The following PCDHGA7 variants were observed in gnomAD, a reference collection of about 807,000 sequenced individuals.
PCDHGA7 encodes the protein protocadherin gamma-A7.
A neutral mutation model predicts 58.3 loss-of-function variants in PCDHGA7; 44 were observed. The ratio of observed to expected loss-of-function variants is 0.75; its 90% CI spans 0.59 to 0.97. The LOEUF (loss-of-function observed/expected upper bound fraction) is 0.97. Ranked by LOEUF, PCDHGA7 falls within the 50% of genes least tolerant of loss-of-function variation. PCDHGA7 has a pLI of 0.00. For missense variants in PCDHGA7, 1,266 were observed against 1,188.7 expected, an observed-to-expected ratio of 1.06 and a Z score of -0.96; for synonymous variants, 516 against 504.2, an observed-to-expected ratio of 1.02 and a Z score of -0.31.
Position 141,432,465 on chromosome 5 carries a change from C to G in PCDHGA7, c.2424+47142C>G. ...GAGATCCTGTACCCCGCCCTCCCCACGGACGGTTCCACTGGCGTGGAGCTG... is the reference window on the plus strand; with the variant it reads ...GAGATCCTGTACCCCGCCCTCCCCAGGGACGGTTCCACTGGCGTGGAGCTG... On this transcript the variant is annotated intron_variant, in intron 1 of 3. Transcript: ENST00000518325. The surrounding 1 kb of genome is among the most constrained non-coding windows in gnomAD (Gnocchi z 6.0). The G allele has an allele frequency of 6.2e-7, 1 of 1,614,222 alleles. No individual in the cohort carries two copies. Among genetic ancestry groups the G allele is most frequent in the Non-Finnish European group, 8.5e-7 (1 of 1,180,050 alleles).
At chr5:141,510,682 G>C (rs1014890367) in intron 3 of PCDHGA7, among the ~76,000 whole-genome samples, 2 of 152,154 alleles carry the variant, frequency 1.3e-5, no homozygotes, top group Non-Finnish European at 2.9e-5. Context: ...GTGGCATAAG[G>C]AGGTTAGGTA....
intron 1 of PCDHGA7, among the ~76,000 whole-genome samples, chr5:141,462,493 A>G (rs1432919197): frequency 2.0e-5 from 3 of 152,144 alleles, no homozygotes; most frequent in South Asian, 4.1e-4. Context: ...GTTGTATCCT[A>G]TAATTGTCAA....
chr5:141,391,899 T>G (rs1283624057), intron 1 of PCDHGA7: 2 of 152,212 alleles, frequency 1.3e-5, no homozygotes, highest in Non-Finnish European at 2.9e-5. Flanking sequence ...GGATGGAGCT[T>G]TGCTTTTTAT....
chr5:141,485,416 C>T lies in PCDHGA7; in HGVS notation c.2425-9391C>T, dbSNP rs1311879785. On this transcript the variant is annotated intron_variant, in intron 1 of 3. Coordinates refer to ENST00000518325, the MANE Select transcript of PCDHGA7 (RefSeq NM_018920.4). This position sits in a 1 kb window ranked among gnomAD's most constrained non-coding sequence, Gnocchi z 5.7. Reference sequence around the variant, plus strand: ...GACACTTCCGTGTGGATTTGGACAGCGGAGCCCTGCTCATCAAGAACCCAA... The same window carrying T: ...GACACTTCCGTGTGGATTTGGACAGTGGAGCCCTGCTCATCAAGAACCCAA... 10 of 1,613,988 alleles carry T rather than the reference C, an allele frequency of 6.2e-6. No individual in the cohort carries two copies. Among genetic ancestry groups the T allele is most frequent in the South Asian group, 4.4e-5 (4 of 91,086 alleles).
chr5:141,390,418 A>T (rs2092141411), intron 1 of PCDHGA7: 1 of 1,099,772 alleles, frequency 9.1e-7, no homozygotes, highest in Admixed American at 2.6e-5. Context: ...TAGTCAGTTA[A>T]AAAGCTGTCA....
chr5:141,459,795 C>T (rs1394778891), intron 1 of PCDHGA7, among the ~76,000 whole-genome samples: 1 of 152,190 alleles, frequency 6.6e-6, no homozygotes, highest in Non-Finnish European at 1.5e-5. Flanking sequence ...AACTGTTTTT[C>T]CCTGTTGACT....
In PCDHGA7 at chr5:141,471,046, CTTT is replaced by C. The variant is rs1170588345; in HGVS notation, c.2425-23743_2425-23741del. ...ATTTTTATTAACAAGCCCAAGCCCT[CTTT>C]TTTTTTTTTTTTTTTTTGAGACAGG... On this transcript the variant is annotated intron_variant, in intron 1 of 3. Coordinates refer to ENST00000518325, the MANE Select transcript of PCDHGA7 (RefSeq NM_018920.4). 4.8e-4 allele frequency among the ~76,000 whole-genome samples: 54 copies of C among 113,240 alleles called. 1 individual carries two copies. Among genetic ancestry groups the C allele is most frequent in the Middle Eastern group, 5.2e-3 (1 of 192 alleles). 74.3% of individuals were successfully genotyped at this position (113,240 alleles called of 152,430 possible).
At chr5:141,392,885 G>C in intron 1 of PCDHGA7, 1 of 1,613,654 alleles carries the variant, frequency 6.2e-7, no homozygotes, top group Non-Finnish European at 8.5e-7. Flanking sequence ...GAACGCTGTG[G>C]GAAATCGGGA....
intron 1 of PCDHGA7, among the ~76,000 whole-genome samples, chr5:141,406,361 T>C (rs2094800900): frequency 6.6e-6 from 1 of 152,194 alleles, no homozygotes; most frequent in African/African-American, 2.4e-5. Flanking sequence ...ACTATGTTTG[T>C]AAGGGTAAAC....
At chr5:141,478,247 G>T in intron 1 of PCDHGA7, 1 of 1,614,076 alleles carries the variant, frequency 6.2e-7, no homozygotes, top group Non-Finnish European at 8.5e-7. Context: ...CACAGTGTTC[G>T]GAGTAATCAT....
Position 141,490,575 on chromosome 5 carries a change from A to G in PCDHGA7, c.2425-4232A>G. 2 of 1,614,140 alleles carry G rather than the reference A, an allele frequency of 1.2e-6. No individual in the cohort carries two copies. The highest frequency in any genetic ancestry group is 2.2e-5 in the East Asian group (1 of 44,876). Reference sequence around the variant, plus strand: ...ATCTCACCATCAGGCTCAACATTTCAGATGTCAATGACAATGCACCCCGCT... The same window carrying G: ...ATCTCACCATCAGGCTCAACATTTCGGATGTCAATGACAATGCACCCCGCT... On this transcript the variant is annotated intron_variant, in intron 1 of 3. Transcript: ENST00000518325. This position sits in a 1 kb window ranked among gnomAD's most constrained non-coding sequence, Gnocchi z 5.4.
chr5:141,464,271 A>AT (rs1336006891), intron 1 of PCDHGA7, among the ~76,000 whole-genome samples: 1 of 136,538 alleles, frequency 7.3e-6, no homozygotes, highest in Non-Finnish European at 1.5e-5. Flanking sequence ...TCTAAAAAAA[A>AT]AAAAAAGCAA....
At chr5:141,445,213 A>C (rs775782586) in intron 1 of PCDHGA7, among the ~76,000 whole-genome samples, 1 of 152,226 alleles carries the variant, frequency 6.6e-6, no homozygotes, top group Non-Finnish European at 1.5e-5. Context: ...TTGAAAAGTA[A>C]GAGGTGCAAA....
intron 1 of PCDHGA7, among the ~76,000 whole-genome samples, chr5:141,492,781 T>A (rs945023154): frequency 6.6e-6 from 1 of 152,194 alleles, no homozygotes; most frequent in African/African-American, 2.4e-5. Context: ...TGAGTGAGCC[T>A]CTATAGGACA....
Position 141,432,562 on chromosome 5 carries a change from C to G in PCDHGA7, c.2424+47239C>G. On this transcript the variant is annotated intron_variant, in intron 1 of 3. Coordinates refer to ENST00000518325, the MANE Select transcript of PCDHGA7 (RefSeq NM_018920.4). The surrounding 1 kb of genome is among the most constrained non-coding windows in gnomAD (Gnocchi z 6.0). ...CGGTGGACAGAGACTCCGGCCAGAA[C>G]GCCTGGCTGTCCTACCGTCTGCTCA... 1 of 1,613,964 alleles carries G rather than the reference C, an allele frequency of 6.2e-7. No homozygotes were observed. Among genetic ancestry groups the G allele is most frequent in the Non-Finnish European group, 8.5e-7 (1 of 1,180,004 alleles).
intron 3 of PCDHGA7, among the ~76,000 whole-genome samples, chr5:141,506,441 T>C (rs1940889203): frequency 9.8e-6 from 1 of 101,930 alleles, no homozygotes; most frequent in South Asian, 3.0e-4. Flanking sequence ...TCTCGCTCTG[T>C]CTCAAAAAAA....
chr5:141,509,132 G>A (rs1261849657), intron 3 of PCDHGA7, among the ~76,000 whole-genome samples: 1 of 152,150 alleles, frequency 6.6e-6, no homozygotes, highest in Admixed American at 6.5e-5. Flanking sequence ...GAGAAAAACC[G>A]AGGCGCATCC....
Position 141,489,458 on chromosome 5 carries a change from G to T in PCDHGA7, c.2425-5349G>T, listed in dbSNP as rs143138320. 1 of 1,613,924 alleles carries T rather than the reference G, an allele frequency of 6.2e-7. No homozygotes were observed. Among genetic ancestry groups the T allele is most frequent in the Non-Finnish European group, 8.5e-7 (1 of 1,180,000 alleles). On this transcript the variant is annotated intron_variant, in intron 1 of 3. Coordinates refer to ENST00000518325, the MANE Select transcript of PCDHGA7 (RefSeq NM_018920.4). The surrounding 1 kb of genome is among the most constrained non-coding windows in gnomAD (Gnocchi z 4.5). ...CAATTGGGCTCTGAGGAGAATGGGC[G>T]CTATTTTTCCCTGAGCTTGATGAGT...
rs764976894 is a variant in PCDHGA7, at chr5:141,476,238, G to T, written c.2425-18569G>T. On this transcript the variant is annotated intron_variant, in intron 1 of 3. Transcript: ENST00000518325. The surrounding 1 kb of genome is among the most constrained non-coding windows in gnomAD (Gnocchi z 7.6). ...ATTCACTATGAGATCCCGGAGGAAA[G>T]AGAGAAGGGTTTCGCTGTGGGCAAC... is the stretch of plus-strand genomic sequence containing the variant. The T allele has an allele frequency of 3.1e-6, 5 of 1,614,098 alleles. No individual in the cohort carries two copies. The highest frequency in any genetic ancestry group is 4.2e-6 in the Non-Finnish European group (5 of 1,180,012).
Sources: allele counts gnomAD v4.1 joint callset (sites outside exome capture counted in the v4.1 genomes callset), GRCh38; gene constraint gnomAD v4.1.1; non-coding constraint Gnocchi (gnomAD v3.1); transcripts MANE v1.5; gene names NCBI Gene and HGNC (gene_info 2026-07-23, HGNC 2026-07-21).